Variants in PLA2G5 observed in about 807,000 individuals in gnomAD.
PLA2G5 encodes Ca2+-dependent phospholipase A2.
In PLA2G5, 12 loss-of-function variants were observed where a neutral mutation model predicts 15.9. The observed-to-expected ratio is 0.76, with a 90% CI of 0.48 to 1.23. The LOEUF (loss-of-function observed/expected upper bound fraction) is 1.23, where lower values mean the gene tolerates loss of function less well. Ranked by LOEUF, PLA2G5 falls within the 50% of genes most tolerant of loss-of-function variation. The pLI is 0.00. For missense variants in PLA2G5, 169 were observed against 177.1 expected, an observed-to-expected ratio of 0.95 and a Z score of 0.26; for synonymous variants, 71 against 71.4, an observed-to-expected ratio of 0.99 and a Z score of 0.03.
At chr1:20,056,130 G>T (rs760124017) in intron 1 of PLA2G5, among the ~76,000 whole-genome samples, 1 of 152,064 alleles carries the variant, frequency 6.6e-6, no homozygotes, top group Non-Finnish European at 1.5e-5. Flanking sequence ...GAGCTGCGAG[G>T]TTCAAAGCAA....
chr1:20,061,547 C>A (rs1434337477), intron 2 of PLA2G5, among the ~76,000 whole-genome samples: 1 of 145,008 alleles, frequency 6.9e-6, no homozygotes, highest in Non-Finnish European at 1.5e-5. Context: ...GATTGCACCA[C>A]TGCACTCCAG....
At chr1:20,035,846 C>T (rs1439686734) in intron 1 of PLA2G5, among the ~76,000 whole-genome samples, 3 of 152,090 alleles carry the variant, frequency 2.0e-5, no homozygotes, top group South Asian at 4.2e-4. Flanking sequence ...GGGATTTATG[C>T]TTTAAGAAGG....
chr1:20,047,038 G>T (rs536297209), intron 1 of PLA2G5, among the ~76,000 whole-genome samples: 1 of 152,266 alleles, frequency 6.6e-6, no homozygotes, highest in East Asian at 1.9e-4. Context: ...CAGCCAAAAG[G>T]TGCCCCTGAG....
At chr1:20,067,499 G>A (rs572943011), upstream of PLA2G5, among the ~76,000 whole-genome samples, 8 of 151,824 alleles carry the variant, frequency 5.3e-5, no homozygotes, top group African/African-American at 1.2e-4. Flanking sequence ...ACCAGCTTGG[G>A]CAACACGGTG....
chr1:20,080,852 G>C (rs1319755231), intron 1 of PLA2G5, among the ~76,000 whole-genome samples: 1 of 151,834 alleles, frequency 6.6e-6, no homozygotes, highest in Admixed American at 6.6e-5. Flanking sequence ...GGTGCAGAGA[G>C]CAGGGCCGAG....
At chr1:20,061,708 C>T (rs1439556552) in intron 2 of PLA2G5, among the ~76,000 whole-genome samples, 3 of 152,220 alleles carry the variant, frequency 2.0e-5, no homozygotes, top group Non-Finnish European at 2.9e-5. Flanking sequence ...CAAAGGCCTT[C>T]CCCTGTGGGT....
intron 3 of PLA2G5, among the ~76,000 whole-genome samples, chr1:20,089,542 C>G (rs1417198882): frequency 3.3e-5 from 5 of 152,170 alleles, no homozygotes; most frequent in African/African-American, 1.2e-4. Context: ...GTGGCCACAC[C>G]TACTCGCAAG....
intron 1 of PLA2G5, among the ~76,000 whole-genome samples, chr1:20,031,599 G>A (rs769979363): frequency 6.5e-4 from 98 of 150,880 alleles, no homozygotes; most frequent in Non-Finnish European, 1.3e-3. Flanking sequence ...TCCTGGATTG[G>A]CAACTTCTGG....
chr1:20,032,283 T>C (rs961743855), intron 1 of PLA2G5, among the ~76,000 whole-genome samples: 1 of 152,006 alleles, frequency 6.6e-6, no homozygotes, highest in Non-Finnish European at 1.5e-5. Context: ...TCTGACTGGA[T>C]AGAAGAGGGG....
intron 1 of PLA2G5, among the ~76,000 whole-genome samples, chr1:20,082,440 C>T (rs559811111): frequency 6.6e-5 from 10 of 151,958 alleles, no homozygotes; most frequent in African/African-American, 1.9e-4. Context: ...AGTTAAATGC[C>T]GCCATTTTGC....
chr1:20,031,504 G>A lies in PLA2G5; in HGVS notation n.276+2795G>A, dbSNP rs571358010. Among the ~76,000 whole-genome samples the A allele has an allele frequency of 2.9e-4, 44 of 152,250 alleles. No individual in the cohort carries two copies. In the Middle Eastern group the frequency reaches 0.017, roughly 59 times the overall value. On this transcript the variant is annotated intron_variant and non_coding_transcript_variant, in intron 1 of 6. Transcript: ENST00000460175. ...TAGGAGTGGTCTATCCAGGGATGTG[G>A]GGAAGGAATAACAGGAAAGATCTGA... is the stretch of plus-strand genomic sequence containing the variant.
At chr1:20,086,258 C>T in intron 3 of PLA2G5, 31 bp downstream of exon 3, 1 of 1,609,602 alleles carries the variant, frequency 6.2e-7, no homozygotes, top group Admixed American at 1.7e-5. Context: ...GCCCTTTAGG[C>T]TCCAGGCTCT....
intron 2 of PLA2G5, among the ~76,000 whole-genome samples, chr1:20,060,247 CTTTT>C (rs71585739): frequency 0.014 from 1,176 of 83,602 alleles, 4 homozygotes; most frequent in Middle Eastern, 0.031. Flanking sequence ...CTTTTTTCTT[CTTTT>C]TTTTTTTTTT....
chr1:20,036,823 AC>A (rs2013274457), intron 1 of PLA2G5, among the ~76,000 whole-genome samples: 1 of 151,872 alleles, frequency 6.6e-6, no homozygotes, highest in African/African-American at 2.4e-5. Context: ...GTGCCACCAC[AC>A]CTGGCCAATT....
intron 1 of PLA2G5, among the ~76,000 whole-genome samples, chr1:20,058,305 C>T (rs954727750): frequency 6.6e-6 from 1 of 152,124 alleles, no homozygotes; most frequent in Non-Finnish European, 1.5e-5. Flanking sequence ...TTTGACACTC[C>T]GTTGTGAGGG....
chr1:20,060,025 C>T (rs1381090490), intron 2 of PLA2G5, among the ~76,000 whole-genome samples: 1 of 151,986 alleles, frequency 6.6e-6, no homozygotes, highest in Non-Finnish European at 1.5e-5. Flanking sequence ...TAGGGCTGCA[C>T]ACAAGGAGGA....
rs550679004 is a variant in PLA2G5 at position 20,040,182 on chromosome 1, G to A, written n.276+11473G>A. On this transcript the variant is annotated intron_variant and non_coding_transcript_variant, in intron 1 of 6. Transcript: ENST00000460175. Reference sequence around the variant, plus strand: ...TTGCTTTACTATACCCTTTGCTATAGTATAGTAAAGCTATACTATATGTCC... The same window carrying A: ...TTGCTTTACTATACCCTTTGCTATAATATAGTAAAGCTATACTATATGTCC... Among the ~76,000 whole-genome samples the A allele has an allele frequency of 1.7e-4, 26 of 152,198 alleles. No homozygotes were observed. In the South Asian group the frequency reaches 5.4e-3, roughly 32 times the overall value.
chr1:20,036,892 C>T (rs982026446), intron 1 of PLA2G5, among the ~76,000 whole-genome samples: 10 of 151,822 alleles, frequency 6.6e-5, no homozygotes, highest in Admixed American at 1.3e-4. Flanking sequence ...CTCGAACTCC[C>T]GACCTCAGCT....
chr1:20,068,449 T>C (rs183996793), upstream of PLA2G5, among the ~76,000 whole-genome samples: 1 of 149,682 alleles, frequency 6.7e-6, no homozygotes, highest in African/African-American at 2.4e-5. Context: ...TTAAAAGTGG[T>C]AGTTTTTTTT....
Sources: gnomAD v4.1 joint callset for allele counts (sites outside exome capture counted in the v4.1 genomes callset) on GRCh38, gnomAD v4.1.1 for gene constraint, MANE v1.5 for transcripts, NCBI Gene and HGNC (gene_info 2026-07-23, HGNC 2026-07-21) for gene names.